The following MAP2 variants were observed in gnomAD, a reference collection of about 807,000 sequenced individuals.
MAP2 encodes microtubule-associated protein 2.
MAP2 carries 14 observed loss-of-function variants against 137.6 expected under a neutral mutation model. The ratio of observed to expected loss-of-function variants is 0.10; its 90% CI spans 0.07 to 0.16. The LOEUF is 0.16. MAP2 is among the 10% of genes least tolerant of loss of function. The probability of loss-of-function intolerance (pLI) is 1.00; values close to 1 mark genes in which losing one functional copy is unlikely to be tolerated. For synonymous variants in MAP2, 786 were observed against 782.3 expected (o/e 1.00, Z -0.08); for missense variants, 2,088 against 2,191.5 (o/e 0.95, Z 0.94).
intron 2 of MAP2, among the ~76,000 whole-genome samples, chr2:209,573,161 T>C (rs1463143542): frequency 6.6e-6 from 1 of 152,202 alleles, no homozygotes; most frequent in African/African-American, 2.4e-5. Context: ...ATCTGGAAGG[T>C]GCCATGGATT....
chr2:209,623,180 A>G (rs1381194115), intron 3 of MAP2, among the ~76,000 whole-genome samples: 1 of 152,166 alleles, frequency 6.6e-6, no homozygotes. Context: ...TGCAGGCCAT[A>G]TAGTCTGTCA....
intron 2 of MAP2, among the ~76,000 whole-genome samples, chr2:209,536,261 G>C (rs903281867): frequency 1.3e-5 from 2 of 152,112 alleles, no homozygotes; most frequent in Non-Finnish European, 2.9e-5. Flanking sequence ...TAAGCAAAAT[G>C]ATGTAACACT....
chr2:209,512,707 T>C (rs945576437), intron 2 of MAP2, among the ~76,000 whole-genome samples: 1 of 151,978 alleles, frequency 6.6e-6, no homozygotes, highest in Non-Finnish European at 1.5e-5. Context: ...AGTGGTACAA[T>C]CATAGCTTAG....
At chr2:209,453,643 T>C (rs138426877) in intron 1 of MAP2, among the ~76,000 whole-genome samples, 2 of 152,360 alleles carry the variant, frequency 1.3e-5, no homozygotes, top group Non-Finnish European at 2.9e-5. Context: ...ATAAAAAGAT[T>C]ACATAATATT....
chr2:209,448,568 T>A (rs1699621821), intron 1 of MAP2, among the ~76,000 whole-genome samples: 1 of 152,172 alleles, frequency 6.6e-6, no homozygotes, highest in South Asian at 2.1e-4. Flanking sequence ...GAAATTAAGG[T>A]ATTGGCAGGA....
rs542723245 is a variant in MAP2, at chr2:209,695,695, C to T, written c.3525C>T (p.Cys1175=). 3.1e-6 allele frequency: 5 copies of T among 1,614,072 alleles called. No individual in the cohort carries two copies. The highest frequency in any genetic ancestry group is 1.6e-4 in the Middle Eastern group (1 of 6,062). ...TCAAATTGTCAGTGGAAATACCTTG[C>T]CCACCTGCTGTTTCAGAGGCTGATT... ...IAVKLSVEIP[C]PPAVSEADLA... is the part of the protein sequence containing the mutation. The change falls in exon 8 of 16, where the codon TGC becomes TGT. Residue 1175 remains cysteine, a synonymous_variant. Coordinates refer to ENST00000682079, the MANE Select transcript of MAP2 (RefSeq NM_001375505.1).
At chr2:209,458,649 G>A (rs1414652223) in intron 1 of MAP2, among the ~76,000 whole-genome samples, 1 of 152,128 alleles carries the variant, frequency 6.6e-6, no homozygotes, top group African/African-American at 2.4e-5. Flanking sequence ...ATTTTCTCCA[G>A]CATCTGTGTT....
intron 2 of MAP2, among the ~76,000 whole-genome samples, chr2:209,530,716 A>T (rs1377449404): frequency 6.6e-6 from 1 of 152,112 alleles, no homozygotes; most frequent in Non-Finnish European, 1.5e-5. Flanking sequence ...ATATATTTTC[A>T]TTTTTTTCTT....
At chr2:209,493,356 G>C (rs1262591468) in intron 1 of MAP2, among the ~76,000 whole-genome samples, 1 of 152,164 alleles carries the variant, frequency 6.6e-6, no homozygotes, top group African/African-American at 2.4e-5. Flanking sequence ...ATACCATTCA[G>C]GACATAGGCA....
intron 2 of MAP2, among the ~76,000 whole-genome samples, chr2:209,562,754 A>G (rs1204407082): frequency 6.6e-6 from 1 of 152,028 alleles, no homozygotes; most frequent in East Asian, 1.9e-4. Context: ...AAAAACTGAA[A>G]CCAATGCCTC....
intron 3 of MAP2, among the ~76,000 whole-genome samples, chr2:209,599,381 C>A (rs2082330351): frequency 6.6e-6 from 1 of 152,024 alleles, no homozygotes; most frequent in African/African-American, 2.4e-5. Flanking sequence ...TCTCTTCACC[C>A]AAAAAGCATA....
At chr2:209,452,132 A>T (rs1700457042) in intron 1 of MAP2, among the ~76,000 whole-genome samples, 1 of 152,206 alleles carries the variant, frequency 6.6e-6, no homozygotes, top group Admixed American at 6.5e-5. Flanking sequence ...CCTTGAGAAT[A>T]AACCATATCA....
At chr2:209,590,196 A>G (rs2078869875) in intron 3 of MAP2, among the ~76,000 whole-genome samples, 1 of 152,104 alleles carries the variant, frequency 6.6e-6, no homozygotes, top group Non-Finnish European at 1.5e-5. Flanking sequence ...CAAACACATC[A>G]CTACCTTAAT....
chr2:209,554,111 T>G (rs762984919), intron 2 of MAP2, among the ~76,000 whole-genome samples: 2 of 152,230 alleles, frequency 1.3e-5, no homozygotes, highest in Non-Finnish European at 2.9e-5. Flanking sequence ...GACAGAAATA[T>G]ACAGTTCTAT....
At chr2:209,437,605 G>T (rs1696664196) in intron 1 of MAP2, among the ~76,000 whole-genome samples, 1 of 151,544 alleles carries the variant, frequency 6.6e-6, no homozygotes, top group Admixed American at 6.6e-5. Context: ...GAGATTGTTT[G>T]ACTCTTCCAG....
At chr2:209,665,552 T>C (rs1488528768) in intron 5 of MAP2, among the ~76,000 whole-genome samples, 1 of 152,218 alleles carries the variant, frequency 6.6e-6, no homozygotes, top group Non-Finnish European at 1.5e-5. Context: ...TTGGATATTC[T>C]AAGTCATGGA....
intron 14 of MAP2, among the ~76,000 whole-genome samples, chr2:209,726,121 AC>A (rs1287537960): frequency 6.6e-6 from 1 of 152,184 alleles, no homozygotes; most frequent in Non-Finnish European, 1.5e-5. Flanking sequence ...ATATATAATA[AC>A]ATTGGGGGTA....
intron 1 of MAP2, among the ~76,000 whole-genome samples, chr2:209,425,692 A>G (rs1692371150): frequency 6.6e-6 from 1 of 152,232 alleles, no homozygotes; most frequent in South Asian, 2.1e-4. Flanking sequence ...ACATTATGCA[A>G]AATGTCCCAT....
intron 1 of MAP2, among the ~76,000 whole-genome samples, chr2:209,503,745 C>G (rs758939640): frequency 1.1e-4 from 17 of 152,040 alleles, no homozygotes; most frequent in Non-Finnish European, 1.9e-4. Flanking sequence ...TCAACTGTTT[C>G]TTTAAATCTG....
Sources: allele counts gnomAD v4.1 joint callset (sites outside exome capture counted in the v4.1 genomes callset), GRCh38; gene constraint gnomAD v4.1.1; transcripts MANE v1.5; gene names NCBI Gene and HGNC (gene_info 2026-07-23, HGNC 2026-07-21).